Variants in PHF24 observed in about 807,000 individuals in gnomAD.
PHF24 encodes the protein Galpha inhibitory interacting protein.
In PHF24, 25 loss-of-function variants were observed where a neutral mutation model predicts 42.6. The observed-to-expected ratio is 0.59, with a 90% CI of 0.43 to 0.82. The LOEUF is 0.82. Ranked by LOEUF, PHF24 falls within the 40% of genes least tolerant of loss-of-function variation. PHF24 has a pLI of 0.00. For missense variants in PHF24, 470 were observed against 538.1 expected, an observed-to-expected ratio of 0.87 and a Z score of 1.25; for synonymous variants, 185 against 204.8, an observed-to-expected ratio of 0.90 and a Z score of 0.83.
At chr9:34,810,653 T>C in the PHF24 span, among the ~76,000 whole-genome samples, 4 of 152,198 alleles carry the variant, frequency 2.6e-5, no homozygotes, top group African/African-American at 4.8e-5. Flanking sequence ...ATGGGATCCA[T>C]GAGTGACTTC....
the PHF24 span, among the ~76,000 whole-genome samples, chr9:34,666,847 G>GAGAC: frequency 6.6e-6 from 1 of 152,212 alleles, no homozygotes; most frequent in Non-Finnish European, 1.5e-5. Flanking sequence ...TCGGGAGGCT[G>GAGAC]AGGCAGAGAA....
At chr9:34,752,195 G>T in the PHF24 span, among the ~76,000 whole-genome samples, 2 of 151,936 alleles carry the variant, frequency 1.3e-5, no homozygotes, top group African/African-American at 2.4e-5. Context: ...AAATAATAGA[G>T]TTCAGAGCAG....
chr9:34,686,197 T>G, the PHF24 span, among the ~76,000 whole-genome samples: 16 of 152,280 alleles, frequency 1.1e-4, no homozygotes, highest in East Asian at 3.1e-3. Context: ...TTGCAGGAAA[T>G]TTCCCAATTA....
chr9:34,922,635 C>A, the PHF24 span: 3 of 1,034,098 alleles, frequency 2.9e-6, no homozygotes, highest in Non-Finnish European at 1.5e-6. Context: ...GACAGTACAT[C>A]ATTGCAGCTA....
the PHF24 span, among the ~76,000 whole-genome samples, chr9:34,802,899 G>A: frequency 6.6e-6 from 1 of 152,030 alleles, no homozygotes; most frequent in Admixed American, 6.6e-5. Flanking sequence ...CTTCCCAAAC[G>A]GGTTTTGAGA....
At chr9:34,883,606 A>T in the PHF24 span, among the ~76,000 whole-genome samples, 1 of 152,270 alleles carries the variant, frequency 6.6e-6, no homozygotes, top group Non-Finnish European at 1.5e-5. Flanking sequence ...CAACAGACAC[A>T]TGAAAAAATG....
At chr9:34,837,337 T>C in the PHF24 span, 4 of 364,694 alleles carry the variant, frequency 1.1e-5, no homozygotes, top group Non-Finnish European at 2.1e-5. Context: ...ATACTGTGAG[T>C]GAGAGGATCA....
chr9:34,865,196 GT>G, the PHF24 span, among the ~76,000 whole-genome samples: 4 of 144,018 alleles, frequency 2.8e-5, no homozygotes, highest in Non-Finnish European at 6.0e-5. Context: ...GTTTTTATTA[GT>G]TTTTTTTTTG....
exon 2 of PHF24, chr9:34,971,364 T>G (rs940647327): frequency 1.5e-5 from 24 of 1,613,982 alleles, no homozygotes; most frequent in Non-Finnish European, 2.0e-5. Flanking sequence ...TGGCTGTGTC[T>G]GCTTTCAAGG....
chr9:34,665,821 T>TGG, the PHF24 span: 1 of 611,194 alleles, frequency 1.6e-6, no homozygotes, highest in South Asian at 1.9e-5. Context: ...CGGGACAGGG[T>TGG]GGGCTTGGAG....
the PHF24 span, among the ~76,000 whole-genome samples, chr9:34,747,066 A>G: frequency 6.6e-6 from 1 of 152,226 alleles, no homozygotes; most frequent in African/African-American, 2.4e-5. Context: ...CAGAAGGGGA[A>G]AAATATATAT....
chr9:34,877,666 T>A, the PHF24 span, among the ~76,000 whole-genome samples: 1 of 152,210 alleles, frequency 6.6e-6, no homozygotes, highest in Non-Finnish European at 1.5e-5. Context: ...TTTTTTTTAA[T>A]GCTCAGTGAT....
chr9:34,668,417 C>T, the PHF24 span, among the ~76,000 whole-genome samples: 1 of 152,216 alleles, frequency 6.6e-6, no homozygotes, highest in East Asian at 1.9e-4. Flanking sequence ...ACCCACACCA[C>T]ACAGGCACAC....
the PHF24 span, chr9:34,681,304 A>C: frequency 2.6e-5 from 4 of 152,188 alleles, no homozygotes; most frequent in Admixed American, 2.6e-4. Context: ...GCCTATTCTG[A>C]CCAATCAGGT....
chr9:34,857,835 C>T, the PHF24 span, among the ~76,000 whole-genome samples: 172 of 152,276 alleles, frequency 1.1e-3, 1 homozygote, highest in Non-Finnish European at 2.0e-3. Context: ...GCTGTTGATG[C>T]TATTGCATTT....
the PHF24 span, among the ~76,000 whole-genome samples, chr9:34,852,549 A>G: frequency 2.6e-5 from 4 of 152,228 alleles, no homozygotes; most frequent in African/African-American, 9.6e-5. Context: ...TGAGCAAAGT[A>G]TAGTTCATTG....
At chr9:34,896,339 A>G in the PHF24 span, among the ~76,000 whole-genome samples, 5 of 152,204 alleles carry the variant, frequency 3.3e-5, no homozygotes, top group African/African-American at 1.2e-4. Flanking sequence ...CATGTCAAGG[A>G]AAGGACAAAG....
chr9:34,706,863 C>T, the PHF24 span, among the ~76,000 whole-genome samples: 1 of 151,950 alleles, frequency 6.6e-6, no homozygotes, highest in African/African-American at 2.4e-5. Flanking sequence ...TAGAGGCTCA[C>T]ACCTGTAATC....
At chr9:34,934,975 C>T in the PHF24 span, among the ~76,000 whole-genome samples, 9 of 152,156 alleles carry the variant, frequency 5.9e-5, no homozygotes, top group East Asian at 1.2e-3. Context: ...AGTAGTTTGC[C>T]GACCCCTGAA....
Sources: gnomAD v4.1 joint callset for allele counts (sites outside exome capture counted in the v4.1 genomes callset) on GRCh38, gnomAD v4.1.1 for gene constraint, MANE v1.5 for transcripts, NCBI Gene and HGNC (gene_info 2026-07-23, HGNC 2026-07-21) for gene names.